The following ZCCHC7 variants were observed in gnomAD, a reference collection of about 807,000 sequenced individuals.
ZCCHC7 encodes the protein zinc finger CCHC domain-containing protein 7.
Under a neutral mutation model 52.0 loss-of-function variants are expected in ZCCHC7, and 35 were observed. That is an observed-to-expected ratio of 0.67 (90% CI 0.51 to 0.89). The LOEUF (loss-of-function observed/expected upper bound fraction) is 0.89. ZCCHC7 is among the 40% of genes least tolerant of loss of function. The probability of loss-of-function intolerance (pLI) is 0.00; values close to 1 mark genes in which losing one functional copy is unlikely to be tolerated. For synonymous variants in ZCCHC7, 217 were observed against 221.5 expected, an observed-to-expected ratio of 0.98 and a Z score of 0.18; for missense variants, 574 against 649.1, an observed-to-expected ratio of 0.88 and a Z score of 1.26.
intron 2 of ZCCHC7, among the ~76,000 whole-genome samples, chr9:37,217,356 AATT>A (rs1280046482): frequency 2.0e-5 from 3 of 152,190 alleles, no homozygotes; most frequent in Non-Finnish European, 4.4e-5. Flanking sequence ...ATTTCACAAT[AATT>A]TTTGGAAATT....
At chr9:37,213,681 C>T (rs1824358346) in intron 2 of ZCCHC7, among the ~76,000 whole-genome samples, 1 of 152,148 alleles carries the variant, frequency 6.6e-6, no homozygotes, top group African/African-American at 2.4e-5. Flanking sequence ...TCTAATCCTA[C>T]TTGTGCTGTT....
chr9:37,207,775 T>C (rs1458901584), intron 2 of ZCCHC7, among the ~76,000 whole-genome samples: 2 of 152,192 alleles, frequency 1.3e-5, no homozygotes, highest in African/African-American at 2.4e-5. Flanking sequence ...ATATTTCAGA[T>C]ACTATATTTT....
chr9:37,154,877 C>G (rs1415706928), intron 2 of ZCCHC7, among the ~76,000 whole-genome samples: 1 of 152,084 alleles, frequency 6.6e-6, no homozygotes, highest in East Asian at 1.9e-4. Context: ...CATCTTAATG[C>G]ATTTTGACTT....
chr9:37,338,294 G>C, intron 6 of ZCCHC7, among the ~76,000 whole-genome samples: 1 of 152,078 alleles, frequency 6.6e-6, no homozygotes, highest in East Asian at 1.9e-4. Flanking sequence ...ATTTTGCATA[G>C]TGGTTAATGT....
At chr9:37,220,608 G>T (rs886231159) in intron 2 of ZCCHC7, among the ~76,000 whole-genome samples, 1 of 152,120 alleles carries the variant, frequency 6.6e-6, no homozygotes, top group African/African-American at 2.4e-5. Flanking sequence ...TAGTACTGTG[G>T]GAGTTTGAAA....
At chr9:37,251,704 A>T (rs942467226) in intron 2 of ZCCHC7, among the ~76,000 whole-genome samples, 2 of 152,198 alleles carry the variant, frequency 1.3e-5, no homozygotes, top group Non-Finnish European at 2.9e-5. Context: ...ATGCTTGCCG[A>T]CGCAGATGGT....
intron 2 of ZCCHC7, among the ~76,000 whole-genome samples, chr9:37,252,481 A>G (rs559525449): frequency 6.6e-6 from 1 of 152,288 alleles, no homozygotes; most frequent in East Asian, 1.9e-4. Flanking sequence ...GGAATTCCTT[A>G]ATTTCATCCC....
intron 5 of ZCCHC7, among the ~76,000 whole-genome samples, chr9:37,311,725 A>G (rs1351660302): frequency 1.3e-5 from 2 of 152,070 alleles, no homozygotes; most frequent in African/African-American, 2.4e-5. Flanking sequence ...TACTTTTTTG[A>G]TGCTAGAAAA....
chr9:37,356,946 A>G lies in ZCCHC7; in HGVS notation c.1310A>G (p.Asn437Ser), dbSNP rs543397886. The change falls in exon 9 of 9, where the codon AAC (asparagine) becomes AGC (serine). Residue 437 changes from asparagine (N) to serine (S), a missense_variant. By Grantham distance (46) the Asn-to-Ser change is conservative. Around this residue, in one of 3 missense-constraint regions of ZCCHC7, gnomAD observed 168 missense variants for 171.6 expected, o/e 0.98. Coordinates refer to ENST00000336755, the MANE Select transcript of ZCCHC7 (RefSeq NM_032226.3). ...AAGGGCCGTGCCTCATGGAAAAGCA[A>G]CAGGTGGCCTCAAGAAAATAAAGAA... The part of the protein sequence containing the change: ...IRKGRASWKS[N>S]RWPQENKETQ... 1 of 1,613,942 alleles carries G rather than the reference A, an allele frequency of 6.2e-7. No individual in the cohort carries two copies. The highest frequency in any genetic ancestry group is 1.1e-5 in the South Asian group (1 of 91,066).
intron 2 of ZCCHC7, among the ~76,000 whole-genome samples, chr9:37,279,161 C>T (rs979544756): frequency 6.6e-6 from 1 of 151,358 alleles, no homozygotes; most frequent in Non-Finnish European, 1.5e-5. Context: ...GAAAACTTGT[C>T]TTATTTTATC....
intron 2 of ZCCHC7, among the ~76,000 whole-genome samples, chr9:37,260,854 G>C (rs943556880): frequency 2.6e-5 from 4 of 152,176 alleles, no homozygotes; most frequent in African/African-American, 9.7e-5. Flanking sequence ...TAAGAGGAAG[G>C]CTTTTGAAAT....
intron 2 of ZCCHC7, among the ~76,000 whole-genome samples, chr9:37,163,507 C>T (rs538791332): frequency 6.6e-6 from 1 of 152,198 alleles, no homozygotes; most frequent in East Asian, 1.9e-4. Context: ...CCTTGCTAAC[C>T]CTACGAACAG....
chr9:37,316,940 A>T (rs148156830), intron 5 of ZCCHC7, among the ~76,000 whole-genome samples: 17 of 152,060 alleles, frequency 1.1e-4, no homozygotes, highest in Non-Finnish European at 2.2e-4. Flanking sequence ...AGATCAAAAA[A>T]AATAATAATA....
chr9:37,149,806 A>C (rs888334177), intron 2 of ZCCHC7, among the ~76,000 whole-genome samples: 2 of 152,212 alleles, frequency 1.3e-5, no homozygotes, highest in Admixed American at 6.5e-5. Flanking sequence ...AAAATGGGAA[A>C]CACATAAATG....
chr9:37,122,857 A>C (rs1318320240), intron 1 of ZCCHC7, among the ~76,000 whole-genome samples: 1 of 152,220 alleles, frequency 6.6e-6, no homozygotes, highest in African/African-American at 2.4e-5. Flanking sequence ...GAATTTCTTG[A>C]ACCCAGGAGG....
At chr9:37,213,044 A>G (rs1564182662) in intron 2 of ZCCHC7, among the ~76,000 whole-genome samples, 1 of 152,198 alleles carries the variant, frequency 6.6e-6, no homozygotes, top group Non-Finnish European at 1.5e-5. Flanking sequence ...TAGATATTCA[A>G]CTGTTTTCTG....
At chr9:37,136,244 G>A (rs2132741364) in intron 2 of ZCCHC7, among the ~76,000 whole-genome samples, 1 of 152,134 alleles carries the variant, frequency 6.6e-6, no homozygotes, top group African/African-American at 2.4e-5. Flanking sequence ...TTCTTTATTG[G>A]TAAAAAATAC....
At chr9:37,284,759 G>A (rs1828132402) in intron 2 of ZCCHC7, among the ~76,000 whole-genome samples, 1 of 152,114 alleles carries the variant, frequency 6.6e-6, no homozygotes, top group Non-Finnish European at 1.5e-5. Flanking sequence ...TTAACCTCAG[G>A]ACTTGTGAGC....
At chr9:37,155,445 G>C (rs1725061241) in intron 2 of ZCCHC7, among the ~76,000 whole-genome samples, 1 of 151,976 alleles carries the variant, frequency 6.6e-6, no homozygotes, top group South Asian at 2.1e-4. Flanking sequence ...ATATGTAGTA[G>C]TTGTGCTTTT....
Sources: allele counts gnomAD v4.1 joint callset (sites outside exome capture counted in the v4.1 genomes callset), GRCh38; gene constraint gnomAD v4.1.1; regional missense constraint gnomAD v4.1.1; transcripts MANE v1.5; gene names NCBI Gene and HGNC (gene_info 2026-07-23, HGNC 2026-07-21).